The following CTNNA3 variants were observed in gnomAD, a reference collection of about 807,000 sequenced individuals.
The protein encoded by CTNNA3 is catenin alpha 3.
In CTNNA3, 76 loss-of-function variants were observed where a neutral mutation model predicts 95.7. The observed-to-expected ratio is 0.79, with a 90% CI of 0.66 to 0.96. The LOEUF is 0.96. Among genes scored for constraint, CTNNA3 ranks in the 40% least tolerant of loss-of-function variants. CTNNA3 has a pLI of 0.00. For synonymous variants in CTNNA3, 431 were observed against 374.4 expected, an observed-to-expected ratio of 1.15 and a Z score of -1.74; for missense variants, 1,191 against 1,089.8, an observed-to-expected ratio of 1.09 and a Z score of -1.31.
chr10:66,795,645 A>G (rs1841156178), intron 7 of CTNNA3, among the ~76,000 whole-genome samples: 2 of 152,138 alleles, frequency 1.3e-5, no homozygotes, highest in African/African-American at 4.8e-5. Flanking sequence ...TCCTTTGAAG[A>G]TTTGAAGCCA....
intron 14 of CTNNA3, among the ~76,000 whole-genome samples, chr10:66,096,399 C>T (rs1439750914): frequency 6.6e-6 from 1 of 152,126 alleles, no homozygotes; most frequent in Non-Finnish European, 1.5e-5. Flanking sequence ...ACTTGCAGAA[C>T]TATCTCCAAC....
chr10:66,101,903 T>A (rs1211984781), intron 14 of CTNNA3, among the ~76,000 whole-genome samples: 1 of 152,166 alleles, frequency 6.6e-6, no homozygotes, highest in African/African-American at 2.4e-5. Flanking sequence ...ACTAAAGTTG[T>A]TTTTTCTTCT....
At chr10:67,493,655 G>A (rs919174468) in intron 5 of CTNNA3, among the ~76,000 whole-genome samples, 1 of 151,778 alleles carries the variant, frequency 6.6e-6, no homozygotes, top group Non-Finnish European at 1.5e-5. Context: ...ATGATTAACT[G>A]GAATTTTTGT....
At chr10:66,189,117 G>A (rs1207742967) in intron 13 of CTNNA3, among the ~76,000 whole-genome samples, 1 of 151,654 alleles carries the variant, frequency 6.6e-6, no homozygotes, top group African/African-American at 2.4e-5. Flanking sequence ...ATATATATTG[G>A]ATACTAACAC....
chr10:65,966,978 A>G (rs1397684474), intron 16 of CTNNA3, among the ~76,000 whole-genome samples: 1 of 152,094 alleles, frequency 6.6e-6, no homozygotes, highest in Admixed American at 6.5e-5. Context: ...TTTTTTTGAG[A>G]TGGAGTCTCG....
chr10:67,352,257 A>G (rs1384893732), intron 5 of CTNNA3, among the ~76,000 whole-genome samples: 1 of 152,004 alleles, frequency 6.6e-6, no homozygotes, highest in Non-Finnish European at 1.5e-5. Context: ...AGATGATTAA[A>G]ATGCTAACAG....
intron 7 of CTNNA3, among the ~76,000 whole-genome samples, chr10:67,128,744 T>C (rs751468625): frequency 1.3e-5 from 2 of 152,064 alleles, no homozygotes; most frequent in African/African-American, 2.4e-5. Context: ...TGAAAATAAA[T>C]AGGTGTCCTG....
At chr10:66,717,260 C>T (rs959915715) in intron 9 of CTNNA3, among the ~76,000 whole-genome samples, 15 of 152,066 alleles carry the variant, frequency 9.9e-5, no homozygotes, top group African/African-American at 2.2e-4. Context: ...TGGAGGACCC[C>T]GACTGACACA....
At chr10:66,736,870 A>G (rs1338975103) in intron 9 of CTNNA3, among the ~76,000 whole-genome samples, 1 of 152,220 alleles carries the variant, frequency 6.6e-6, no homozygotes, top group Non-Finnish European at 1.5e-5. Flanking sequence ...TTAAAATCAC[A>G]TTACTGTTTT....
chr10:66,120,965 C>A (rs573306547), intron 13 of CTNNA3, among the ~76,000 whole-genome samples: 1 of 152,162 alleles, frequency 6.6e-6, no homozygotes, highest in Non-Finnish European at 1.5e-5. Flanking sequence ...GTGAAAATAA[C>A]CCAGGTGCGA....
At chr10:66,548,295 G>C (rs1392144184) in intron 10 of CTNNA3, among the ~76,000 whole-genome samples, 4 of 152,026 alleles carry the variant, frequency 2.6e-5, no homozygotes, top group Admixed American at 6.5e-5. Flanking sequence ...CTAGTACATA[G>C]AATTGCAATT....
intron 5 of CTNNA3, among the ~76,000 whole-genome samples, chr10:67,224,003 C>T (rs1864780421): frequency 1.3e-5 from 2 of 148,838 alleles, no homozygotes; most frequent in Admixed American, 6.7e-5. Context: ...CTATATGATG[C>T]TTTCATATAC....
rs779601781 is a variant in CTNNA3 at position 67,219,628 on chromosome 10, T to G, written c.822A>C (p.Gly274=). ...TTACCTCCAGCTCATCAAGGGCACT[T>G]CCCAGGGTTGCTGCCTGAGGTTCTG... The part of the protein sequence containing the change: ...TPPEPQAATL[G]SALDELENLI... The change falls in exon 6 of 18, where the codon GGA becomes GGC. Residue 274 remains glycine, a synonymous_variant. Transcript: ENST00000433211. 37 of 1,613,774 alleles carry G rather than the reference T, an allele frequency of 2.3e-5. No homozygotes were observed. In the South Asian group the frequency reaches 3.6e-4, roughly 16 times the overall value.
At chr10:66,336,165 C>T (rs2092393390) in intron 12 of CTNNA3, among the ~76,000 whole-genome samples, 2 of 152,062 alleles carry the variant, frequency 1.3e-5, no homozygotes, top group East Asian at 1.9e-4. Flanking sequence ...AATTCCCTGA[C>T]CCCTTGTGCT....
chr10:67,258,513 C>T (rs531697092), intron 5 of CTNNA3, among the ~76,000 whole-genome samples: 19 of 152,200 alleles, frequency 1.2e-4, no homozygotes, highest in Middle Eastern at 3.4e-3. Context: ...TATAGTTTTC[C>T]AAAAGCGAAC....
chr10:67,058,737 C>G (rs1329695414), intron 7 of CTNNA3, among the ~76,000 whole-genome samples: 1 of 152,110 alleles, frequency 6.6e-6, no homozygotes, highest in Non-Finnish European at 1.5e-5. Flanking sequence ...CAAGGGTTAC[C>G]TGTTGTGTAT....
At chr10:66,757,676 G>A (rs1839419350) in intron 9 of CTNNA3, among the ~76,000 whole-genome samples, 1 of 152,148 alleles carries the variant, frequency 6.6e-6, no homozygotes. Context: ...GTACTCAATA[G>A]CAGGTCTCTT....
At chr10:66,089,601 T>A (rs1484350223) in intron 14 of CTNNA3, among the ~76,000 whole-genome samples, 1 of 151,968 alleles carries the variant, frequency 6.6e-6, no homozygotes, top group African/African-American at 2.4e-5. Flanking sequence ...AAGTTACTGT[T>A]CTTTATAAAC....
At chr10:66,220,809 C>T (rs535269445) in intron 13 of CTNNA3, among the ~76,000 whole-genome samples, 69 of 152,156 alleles carry the variant, frequency 4.5e-4, no homozygotes, top group Non-Finnish European at 9.1e-4. Flanking sequence ...TTCTCACCAA[C>T]ATCAAGCTGC....
Sources: gnomAD v4.1 joint callset for allele counts (sites outside exome capture counted in the v4.1 genomes callset) on GRCh38, gnomAD v4.1.1 for gene constraint, MANE v1.5 for transcripts, NCBI Gene and HGNC (gene_info 2026-07-23, HGNC 2026-07-21) for gene names.